Variants in FMNL2 observed in about 807,000 individuals in gnomAD.
FMNL2 encodes formin like 2.
Under a neutral mutation model 130.2 loss-of-function variants are expected in FMNL2, and 51 were observed. The observed-to-expected ratio is 0.39, with a 90% CI of 0.31 to 0.49. The LOEUF is 0.49. Among genes scored for constraint, FMNL2 ranks in the 20% least tolerant of loss-of-function variants. The probability of loss-of-function intolerance (pLI) is 0.85; values close to 1 mark genes in which losing one functional copy is unlikely to be tolerated. For missense variants in FMNL2, 977 were observed against 1,316.2 expected, an observed-to-expected ratio of 0.74 and a Z score of 3.99; for synonymous variants, 465 against 467.1, an observed-to-expected ratio of 1.00 and a Z score of 0.06.
intron 16 of FMNL2, among the ~76,000 whole-genome samples, chr2:152,626,098 C>T (rs1396837884): frequency 6.6e-6 from 1 of 151,928 alleles, no homozygotes; most frequent in Non-Finnish European, 1.5e-5. Flanking sequence ...AATGCAGTGG[C>T]GCAACCTCGG....
intron 4 of FMNL2, among the ~76,000 whole-genome samples, chr2:152,552,515 G>T (rs1694992042): frequency 6.6e-6 from 1 of 152,166 alleles, no homozygotes; most frequent in Non-Finnish European, 1.5e-5. Context: ...ATTCTGAGCT[G>T]CAGCTTTGTC....
chr2:152,625,184 GA>G (rs923340067), intron 15 of FMNL2: 13,386 of 323,818 alleles, frequency 0.041, 2 homozygotes, highest in East Asian at 0.068. Context: ...TGAGTTAAAA[GA>G]AAAAAAAAAA....
At chr2:152,369,283 A>C (rs1007864141) in intron 1 of FMNL2, among the ~76,000 whole-genome samples, 2 of 152,216 alleles carry the variant, frequency 1.3e-5, no homozygotes, top group African/African-American at 2.4e-5. Flanking sequence ...TCACATTTAC[A>C]CAAGGTTGTA....
chr2:152,422,594 G>A (rs992301173), intron 1 of FMNL2, among the ~76,000 whole-genome samples: 2 of 152,080 alleles, frequency 1.3e-5, no homozygotes, highest in Non-Finnish European at 2.9e-5. Context: ...ACACCATCTT[G>A]GCTCACTGCA....
chr2:152,394,303 T>C (rs1289874518), intron 1 of FMNL2, among the ~76,000 whole-genome samples: 1 of 152,192 alleles, frequency 6.6e-6, no homozygotes, highest in African/African-American at 2.4e-5. Flanking sequence ...TAGTTGTGTA[T>C]AGTGTGATTT....
chr2:152,365,902 A>T (rs1000842850), intron 1 of FMNL2, among the ~76,000 whole-genome samples: 1 of 152,204 alleles, frequency 6.6e-6, no homozygotes. Context: ...CAGGACTTGG[A>T]TTCAAATTGA....
intron 9 of FMNL2, among the ~76,000 whole-genome samples, chr2:152,583,891 G>A (rs1206358501): frequency 6.6e-6 from 1 of 152,192 alleles, no homozygotes; most frequent in African/African-American, 2.4e-5. Context: ...CATATAGACA[G>A]ACCAAGCAAA....
chr2:152,479,886 C>G (rs1421820395), intron 1 of FMNL2, among the ~76,000 whole-genome samples: 2 of 150,794 alleles, frequency 1.3e-5, no homozygotes, highest in Non-Finnish European at 3.0e-5. Context: ...AATTTTTTGT[C>G]TTTTTTTTTG....
chr2:152,502,477 A>G (rs1447707485), intron 1 of FMNL2, among the ~76,000 whole-genome samples: 2 of 152,232 alleles, frequency 1.3e-5, no homozygotes, highest in Admixed American at 1.3e-4. Flanking sequence ...ACCTGAGGTC[A>G]GGAGTCTGAG....
rs117614611 is a variant in FMNL2, at chr2:152,373,028, G to T, written c.117+37308G>T. 2.3e-3 allele frequency among the ~76,000 whole-genome samples: 357 copies of T among 152,188 alleles called. 11 individuals carry two copies. The East Asian group carries it at 0.061, about 26-fold the overall frequency. Reference sequence around the variant, plus strand: ...GTCCTGGACCCATGTCAGAGATCAGGGTTCTAGTTCCAGCCTTAACACTAA... The same window carrying T: ...GTCCTGGACCCATGTCAGAGATCAGTGTTCTAGTTCCAGCCTTAACACTAA... On this transcript the variant is annotated intron_variant, in intron 1 of 25. Transcript: ENST00000288670.
In FMNL2 at chr2:152,352,707, T is replaced by G. The variant is rs927979311; in HGVS notation, c.117+16987T>G. On this transcript the variant is annotated intron_variant, in intron 1 of 25. Coordinates refer to ENST00000288670, the MANE Select transcript of FMNL2 (RefSeq NM_052905.4). Reference sequence around the variant, plus strand: ...TAGTAAAGGCCAAATAAGCTTGTGATCAAATCTTTTTTTTTTTTTTCTAGT... The same window carrying G: ...TAGTAAAGGCCAAATAAGCTTGTGAGCAAATCTTTTTTTTTTTTTTCTAGT... Among the ~76,000 whole-genome samples, 4 of 141,448 alleles carry G rather than the reference T, an allele frequency of 2.8e-5. No homozygotes were observed. The Admixed American group carries it at 2.9e-4, about 10-fold the overall frequency. The allele number at this position is 141,448 out of a possible 152,430, so 92.8% of individuals were successfully genotyped here. A position where few individuals can be genotyped will look rare whatever the true frequency, so the allele number is the denominator to read the frequency against.
At chr2:152,410,054 A>T (rs1032181745) in intron 1 of FMNL2, among the ~76,000 whole-genome samples, 4 of 152,336 alleles carry the variant, frequency 2.6e-5, no homozygotes, top group Non-Finnish European at 4.4e-5. Flanking sequence ...AGGAATGAAC[A>T]ATACAGTTCT....
chr2:152,642,338 T>C (rs1336499748), intron 25 of FMNL2, among the ~76,000 whole-genome samples: 2 of 152,114 alleles, frequency 1.3e-5, no homozygotes, highest in Non-Finnish European at 2.9e-5. Flanking sequence ...CCCAGGGAAA[T>C]TAAATACATA....
At chr2:152,594,991 C>T (rs752604434) in intron 9 of FMNL2, among the ~76,000 whole-genome samples, 85 of 152,248 alleles carry the variant, frequency 5.6e-4, no homozygotes, top group Non-Finnish European at 1.0e-3. Flanking sequence ...GCAAACTCTG[C>T]GTCACAGGGG....
chr2:152,344,540 A>G (rs775717322), intron 1 of FMNL2, among the ~76,000 whole-genome samples: 31 of 152,204 alleles, frequency 2.0e-4, no homozygotes, highest in Non-Finnish European at 4.3e-4. Flanking sequence ...AAAAGGATAA[A>G]TCCTGTTGAA....
intron 1 of FMNL2, among the ~76,000 whole-genome samples, chr2:152,374,824 C>T (rs1684071765): frequency 6.6e-6 from 1 of 152,202 alleles, no homozygotes; most frequent in African/African-American, 2.4e-5. Context: ...TAGAACCACT[C>T]TCCATCCTGC....
chr2:152,648,671 T>A lies in FMNL2; in HGVS notation c.*766T>A, dbSNP rs2106001937. ...GCATTAGCATTTCTGAGGACCATTA[T>A]TAATTCTGAGAACAGAAATTGGTGC... On this transcript the variant is annotated 3_prime_UTR_variant, in exon 26 of 26. Transcript: ENST00000288670. 6.5e-6 allele frequency: 1 copy of A among 152,776 alleles called. No individual in the cohort carries two copies. Among genetic ancestry groups the A allele is most frequent in the East Asian group, 1.9e-4 (1 of 5,192 alleles). 9.5% of individuals were successfully genotyped at this position (152,776 alleles called of 1,614,324 possible).
At chr2:152,467,328 T>G (rs1689606178) in intron 1 of FMNL2, among the ~76,000 whole-genome samples, 1 of 152,192 alleles carries the variant, frequency 6.6e-6, no homozygotes, top group Admixed American at 6.5e-5. Flanking sequence ...CAAACTGAAA[T>G]GAAACACACA....
chr2:152,623,239 T>G (rs898675249), intron 15 of FMNL2, among the ~76,000 whole-genome samples: 1 of 152,178 alleles, frequency 6.6e-6, no homozygotes, highest in African/African-American at 2.4e-5. Flanking sequence ...ATGAAAAGAC[T>G]CCTCTGCGGC....
Sources: allele counts gnomAD v4.1 joint callset (sites outside exome capture counted in the v4.1 genomes callset), GRCh38; gene constraint gnomAD v4.1.1; transcripts MANE v1.5; gene names NCBI Gene and HGNC (gene_info 2026-07-23, HGNC 2026-07-21).